EXT2: variants seen among roughly 807,000 people sequenced by gnomAD.
EXT2 encodes the protein exostosin glycosyltransferase 2, also known as exostosin-2.
EXT2 carries 53 observed loss-of-function variants against 81.6 expected under a neutral mutation model. That is an observed-to-expected ratio of 0.65 (90% CI 0.52 to 0.82). EXT2 has a LOEUF of 0.82. Among genes scored for constraint, EXT2 ranks in the 40% least tolerant of loss-of-function variants. The pLI, the probability that EXT2 is intolerant of heterozygous loss-of-function variation, is 0.00. For synonymous variants in EXT2, 320 were observed against 340.0 expected (o/e 0.94, Z 0.65); for missense variants, 774 against 910.2 (o/e 0.85, Z 1.93).
chr11:44,097,322 G>A (rs1164107079), intron 1 of EXT2, among the ~76,000 whole-genome samples: 1 of 152,110 alleles, frequency 6.6e-6, no homozygotes, highest in African/African-American at 2.4e-5. Context: ...ATAATTTTTA[G>A]GGGCATTTAG....
intron 10 of EXT2, among the ~76,000 whole-genome samples, chr11:44,226,835 T>C (rs1955843082): frequency 6.6e-6 from 1 of 152,246 alleles, no homozygotes; most frequent in South Asian, 2.1e-4. Context: ...TTCATAGAGC[T>C]CTGTTGCACT....
chr11:44,106,071 A>G (rs1954050038), intron 1 of EXT2, among the ~76,000 whole-genome samples: 1 of 152,230 alleles, frequency 6.6e-6, no homozygotes, highest in African/African-American at 2.4e-5. Context: ...GTGCAAAGGC[A>G]GACTCTATAG....
rs1956104557 is a variant in EXT2 at position 44,247,387 on chromosome 11, T to C, written c.*3100T>C. Among the ~76,000 whole-genome samples the C allele has an allele frequency of 6.6e-6, 1 of 151,756 alleles. No homozygotes were observed. The highest frequency in any genetic ancestry group is 2.1e-4 in the South Asian group (1 of 4,800). On this transcript the variant is annotated 3_prime_UTR_variant, in exon 14 of 14. Transcript: ENST00000533608. Reference sequence around the variant, plus strand: ...GCCTCAGCCTCCTGAGTAGCTGGGATTACAGGCGCTTGCCACCACGCCTGG... The same window carrying C: ...GCCTCAGCCTCCTGAGTAGCTGGGACTACAGGCGCTTGCCACCACGCCTGG...
chr11:44,167,900 G>T (rs926232277), intron 7 of EXT2, among the ~76,000 whole-genome samples: 1 of 151,792 alleles, frequency 6.6e-6, no homozygotes, highest in Non-Finnish European at 1.5e-5. Flanking sequence ...TGCCATGCTG[G>T]TGCGCTGCAC....
intron 1 of EXT2, chr11:44,096,136 GC>G (rs1565191667): frequency 3.1e-6 from 3 of 980,048 alleles, no homozygotes; most frequent in Admixed American, 4.0e-5. Flanking sequence ...GCCAACCTTC[GC>G]CCCCAGTCCG....
intron 7 of EXT2, chr11:44,144,325 C>T (rs746604744): frequency 5.6e-6 from 9 of 1,598,098 alleles, no homozygotes; most frequent in Non-Finnish European, 7.6e-6. Context: ...GCCTAGGGAA[C>T]AGTGGGATTC....
chr11:44,174,366 T>C (rs116136091), intron 8 of EXT2, among the ~76,000 whole-genome samples: 2,694 of 152,180 alleles, frequency 0.018, 87 homozygotes, highest in African/African-American at 0.061. Flanking sequence ...CAATGGATCT[T>C]TCTATCTAGA....
At chr11:44,144,190 T>G in intron 7 of EXT2, 1 of 1,478,272 alleles carries the variant, frequency 6.8e-7, no homozygotes, top group Admixed American at 1.7e-5. Context: ...AGTTGTGCTC[T>G]TATTTATTTA....
At chr11:44,243,618 C>CTTTTT (rs1215047805) in intron 13 of EXT2, among the ~76,000 whole-genome samples, 9 of 72,906 alleles carry the variant, frequency 1.2e-4, no homozygotes, top group African/African-American at 1.7e-4. Context: ...GCCCTGTCAC[C>CTTTTT]TTTTTTTTTT....
At chr11:44,117,660 G>A (rs745511497) in intron 4 of EXT2, among the ~76,000 whole-genome samples, 1 of 152,198 alleles carries the variant, frequency 6.6e-6, no homozygotes, top group African/African-American at 2.4e-5. Flanking sequence ...ATTCGAATCT[G>A]TTGGTCTATA....
intron 7 of EXT2, among the ~76,000 whole-genome samples, chr11:44,154,191 T>C (rs774456171): frequency 2.0e-5 from 3 of 152,252 alleles, no homozygotes; most frequent in Non-Finnish European, 4.4e-5. Flanking sequence ...CAATAAATTA[T>C]TGTTGACTAT....
At chr11:44,106,633 G>A (rs1169545860) in intron 1 of EXT2, among the ~76,000 whole-genome samples, 1 of 151,996 alleles carries the variant, frequency 6.6e-6, no homozygotes, top group Non-Finnish European at 1.5e-5. Context: ...AACGAAAACA[G>A]ATTTTTTTTT....
intron 8 of EXT2, among the ~76,000 whole-genome samples, chr11:44,195,621 A>G (rs753396528): frequency 1.3e-5 from 2 of 152,270 alleles, no homozygotes; most frequent in Non-Finnish European, 2.9e-5. Context: ...TTCTCATCCC[A>G]CACTGTTACA....
intron 8 of EXT2, among the ~76,000 whole-genome samples, chr11:44,174,055 A>T (rs1487904920): frequency 6.6e-6 from 1 of 152,192 alleles, no homozygotes; most frequent in Non-Finnish European, 1.5e-5. Context: ...CACAAATAAC[A>T]TTTGGGTGTT....
rs186558290 is a variant in EXT2, at chr11:44,246,105, A to G, written c.*1818A>G. Among the ~76,000 whole-genome samples the G allele has an allele frequency of 4.7e-3, 717 of 152,288 alleles. 2 individuals carry two copies. Among genetic ancestry groups the G allele is most frequent in the South Asian group, 8.3e-3 (40 of 4,824 alleles). On this transcript the variant is annotated 3_prime_UTR_variant, in exon 14 of 14. Coordinates refer to ENST00000533608, the MANE Select transcript of EXT2 (RefSeq NM_207122.2). Reference sequence around the variant, plus strand: ...GGACGATATGGTAGAAAGCCAGGAAAAATATTTCTGTTGTCACCCAGGTAC... The same window carrying G: ...GGACGATATGGTAGAAAGCCAGGAAGAATATTTCTGTTGTCACCCAGGTAC...
intron 3 of EXT2, among the ~76,000 whole-genome samples, chr11:44,113,468 A>G (rs1954174528): frequency 6.6e-6 from 1 of 152,178 alleles, no homozygotes; most frequent in African/African-American, 2.4e-5. Flanking sequence ...GGATCCAGTT[A>G]AAACAATGTG....
intron 10 of EXT2, among the ~76,000 whole-genome samples, chr11:44,208,330 AG>A (rs1955608380): frequency 6.6e-6 from 1 of 152,190 alleles, no homozygotes; most frequent in Non-Finnish European, 1.5e-5. Flanking sequence ...CAAGATGGAC[AG>A]AGGGCTGTCT....
At chr11:44,189,110 A>G (rs1316524497) in intron 8 of EXT2, among the ~76,000 whole-genome samples, 1 of 152,248 alleles carries the variant, frequency 6.6e-6, no homozygotes, top group South Asian at 2.1e-4. Flanking sequence ...TCTCTGGCTC[A>G]GTTTCTTCAG....
intron 8 of EXT2, among the ~76,000 whole-genome samples, chr11:44,178,645 T>TA (rs987331716): frequency 6.6e-6 from 1 of 152,132 alleles, no homozygotes; most frequent in Non-Finnish European, 1.5e-5. Context: ...AGCAGAACTC[T>TA]AAGTTGAAAA....
Sources: gnomAD v4.1 joint callset for allele counts (sites outside exome capture counted in the v4.1 genomes callset) on GRCh38, gnomAD v4.1.1 for gene constraint, MANE v1.5 for transcripts, NCBI Gene and HGNC (gene_info 2026-07-23, HGNC 2026-07-21) for gene names.